The following SCAPER variants were observed in gnomAD, a reference collection of about 807,000 sequenced individuals.
SCAPER encodes S-phase cyclin A associated protein in the ER.
In SCAPER, 98 loss-of-function variants were observed where a neutral mutation model predicts 182.2. That is an observed-to-expected ratio of 0.54 (90% CI 0.46 to 0.64). The LOEUF is 0.64. Ranked by LOEUF, SCAPER falls within the 30% of genes least tolerant of loss-of-function variation. SCAPER has a pLI of 0.00. For synonymous variants in SCAPER, 605 were observed against 564.6 expected (o/e 1.07, Z -1.01); for missense variants, 1,432 against 1,690.0 (o/e 0.85, Z 2.68).
chr15:76,659,330 G>A lies in SCAPER; in HGVS notation c.2645+6323C>T, dbSNP rs528854716. ...CTGTTGCCCAGGCTGGAGTATAGTG[G>A]TACAATCACAGCTCACTGCAGTCTC... On this transcript the variant is annotated intron_variant, in intron 21 of 31. Transcript: ENST00000563290. Among the ~76,000 whole-genome samples the A allele has an allele frequency of 1.4e-4, 21 of 152,178 alleles. No individual in the cohort carries two copies. In the South Asian group the frequency reaches 4.1e-3, roughly 30 times the overall value.
chr15:76,862,293 C>A (rs2071941482), intron 3 of SCAPER, 123 bp downstream of exon 3: 1 of 542,474 alleles, frequency 1.8e-6, no homozygotes, highest in Non-Finnish European at 3.2e-6. Context: ...AAAAGTATTT[C>A]TTATTTAACA....
chr15:76,401,338 T>G (rs780207505), intron 27 of SCAPER, among the ~76,000 whole-genome samples: 2 of 152,278 alleles, frequency 1.3e-5, no homozygotes, highest in Non-Finnish European at 2.9e-5. Context: ...CATGAAACCC[T>G]ATGCCATCTC....
At chr15:76,682,041 G>C (rs1404115326) in intron 20 of SCAPER, among the ~76,000 whole-genome samples, 1 of 152,108 alleles carries the variant, frequency 6.6e-6, no homozygotes, top group Non-Finnish European at 1.5e-5. Context: ...GCACCACTTG[G>C]AGCTCTGCCT....
At chr15:76,361,799 T>C (rs189633509) in intron 29 of SCAPER, among the ~76,000 whole-genome samples, 1 of 152,352 alleles carries the variant, frequency 6.6e-6, no homozygotes, top group Non-Finnish European at 1.5e-5. Flanking sequence ...TTACTTAGTA[T>C]GCTACACTTT....
intron 22 of SCAPER, among the ~76,000 whole-genome samples, chr15:76,583,270 G>C (rs2048391519): frequency 6.7e-6 from 1 of 149,672 alleles, no homozygotes; most frequent in African/African-American, 2.5e-5. Context: ...AGAATTGCTT[G>C]AACCCGGAAG....
chr15:76,391,655 C>T (rs1336344672), intron 27 of SCAPER, among the ~76,000 whole-genome samples: 2 of 152,310 alleles, frequency 1.3e-5, no homozygotes, highest in African/African-American at 4.8e-5. Flanking sequence ...CCGACATAGG[C>T]CAATGATCGT....
intron 22 of SCAPER, among the ~76,000 whole-genome samples, chr15:76,607,083 C>T (rs1049211094): frequency 2.4e-4 from 36 of 152,046 alleles, no homozygotes; most frequent in East Asian, 1.9e-4. Context: ...TTATTTTGCT[C>T]GTTAGTTGAT....
chr15:76,602,456 G>A (rs2049996677), intron 22 of SCAPER, among the ~76,000 whole-genome samples: 1 of 120,526 alleles, frequency 8.3e-6, no homozygotes, highest in African/African-American at 2.5e-5. Flanking sequence ...TTTCCCCTTT[G>A]GTCTTTCAGG....
intron 15 of SCAPER, among the ~76,000 whole-genome samples, chr15:76,733,716 T>C (rs1213825505): frequency 6.6e-6 from 1 of 151,698 alleles, no homozygotes; most frequent in Admixed American, 6.6e-5. Flanking sequence ...ATCGTGCCAC[T>C]GCACTCCAGC....
intron 23 of SCAPER, among the ~76,000 whole-genome samples, chr15:76,553,481 A>T (rs1395653645): frequency 2.0e-5 from 3 of 152,234 alleles, no homozygotes; most frequent in Admixed American, 1.3e-4. Flanking sequence ...GATGATGTGC[A>T]TCTTGCTGTG....
intron 23 of SCAPER, among the ~76,000 whole-genome samples, chr15:76,533,806 GCA>G (rs2043889784): frequency 1.3e-5 from 2 of 152,002 alleles, no homozygotes; most frequent in South Asian, 4.1e-4. Flanking sequence ...CTATCTATCA[GCA>G]CACTTTTCTG....
chr15:76,694,366 T>C (rs1180460536), intron 20 of SCAPER, among the ~76,000 whole-genome samples: 1 of 152,162 alleles, frequency 6.6e-6, no homozygotes, highest in Admixed American at 6.5e-5. Flanking sequence ...AATGAGATAA[T>C]TTTATTAATT....
chr15:76,646,092 T>C (rs1287815900), intron 21 of SCAPER, among the ~76,000 whole-genome samples: 1 of 152,150 alleles, frequency 6.6e-6, no homozygotes, highest in African/African-American at 2.4e-5. Context: ...TCTAAATTTA[T>C]ATCTAAATAT....
At chr15:76,546,776 G>A (rs1035402360) in intron 23 of SCAPER, among the ~76,000 whole-genome samples, 2 of 152,012 alleles carry the variant, frequency 1.3e-5, no homozygotes, top group Non-Finnish European at 2.9e-5. Context: ...TAAGTTTTAC[G>A]ACTTAAAAGT....
chr15:76,836,919 AT>A (rs1237025823), intron 5 of SCAPER, among the ~76,000 whole-genome samples: 1 of 152,134 alleles, frequency 6.6e-6, no homozygotes. Flanking sequence ...AAAGCCTCAA[AT>A]TATAAAAACC....
At chr15:76,363,697 C>A (rs1451935101) in intron 29 of SCAPER, among the ~76,000 whole-genome samples, 1 of 152,098 alleles carries the variant, frequency 6.6e-6, no homozygotes, top group Admixed American at 6.6e-5. Context: ...AAATAGGTGT[C>A]TAGACATCTA....
intron 20 of SCAPER, among the ~76,000 whole-genome samples, chr15:76,692,721 AAAAGG>A (rs951563053): frequency 3.3e-5 from 5 of 150,994 alleles, no homozygotes; most frequent in African/African-American, 4.9e-5. Flanking sequence ...AAGGAAAAGG[AAAAGG>A]AAAGGAAAGG....
chr15:76,647,031 A>G (rs1284278524), intron 21 of SCAPER, among the ~76,000 whole-genome samples: 1 of 152,232 alleles, frequency 6.6e-6, no homozygotes, highest in Non-Finnish European at 1.5e-5. Context: ...AAAAGGCCAA[A>G]GAAATCTTAG....
At chr15:76,580,434 G>A (rs1041931567) in intron 22 of SCAPER, among the ~76,000 whole-genome samples, 1 of 152,116 alleles carries the variant, frequency 6.6e-6, no homozygotes, top group African/African-American at 2.4e-5. Context: ...GGTTAATGAA[G>A]AAGTTGAGAA....
Sources: gnomAD v4.1 joint callset for allele counts (sites outside exome capture counted in the v4.1 genomes callset) on GRCh38, gnomAD v4.1.1 for gene constraint, MANE v1.5 for transcripts, NCBI Gene and HGNC (gene_info 2026-07-23, HGNC 2026-07-21) for gene names.